The following OR51B5 variants were observed in gnomAD, a reference collection of about 807,000 sequenced individuals.
OR51B5 encodes olfactory receptor 51B5.
For synonymous variants in OR51B5, 186 were observed against 144.8 expected (o/e 1.28, Z -2.04); for missense variants, 456 against 374.6 (o/e 1.22, Z -1.79).
At chr11:5,371,391 G>A (rs997825192) in intron 1 of OR51B5, among the ~76,000 whole-genome samples, 6 of 152,098 alleles carry the variant, frequency 3.9e-5, no homozygotes, top group African/African-American at 1.4e-4. Flanking sequence ...ACCCTGAGTT[G>A]TAGGCCGGAG....
intron 1 of OR51B5, chr11:5,402,492 T>G (rs1043826464): frequency 2.8e-6 from 1 of 360,092 alleles, no homozygotes; most frequent in South Asian, 2.2e-5. Flanking sequence ...TGCTTTTTTC[T>G]TCCCTTCCCT....
intron 1 of OR51B5, among the ~76,000 whole-genome samples, chr11:5,419,246 T>C (rs1850292983): frequency 6.6e-6 from 1 of 152,230 alleles, no homozygotes; most frequent in Admixed American, 6.5e-5. Context: ...GCCCAATTTA[T>C]ATCTATATCC....
chr11:5,453,979 A>G, intron 1 of OR51B5: 2 of 1,614,024 alleles, frequency 1.2e-6, no homozygotes, highest in Non-Finnish European at 1.7e-6. Flanking sequence ...TTTCTTATTA[A>G]GAGGCTGCCT....
intron 1 of OR51B5, chr11:5,454,075 G>C (rs1456882942): frequency 1.2e-6 from 2 of 1,614,072 alleles, no homozygotes; most frequent in Admixed American, 3.3e-5. Flanking sequence ...AGTATCAACA[G>C]CATCTATGGA....
At chr11:5,483,331 G>C (rs1157519290) in intron 1 of OR51B5, among the ~76,000 whole-genome samples, 1 of 126,672 alleles carries the variant, frequency 7.9e-6, no homozygotes, top group Non-Finnish European at 1.6e-5. Context: ...CACAGGAAGG[G>C]GAATATCACA....
chr11:5,443,008 CT>C (rs1339399094), intron 1 of OR51B5, among the ~76,000 whole-genome samples: 1 of 152,024 alleles, frequency 6.6e-6, no homozygotes, highest in African/African-American at 2.4e-5. Context: ...TCTTTTCTGT[CT>C]TTTTTTTAAG....
chr11:5,468,810 T>C (rs1851178379), intron 1 of OR51B5: 1 of 453,842 alleles, frequency 2.2e-6, no homozygotes, highest in Non-Finnish European at 4.4e-6. Context: ...GAGATGACAA[T>C]GAACAGGCCA....
chr11:5,351,465 T>A lies in OR51B5; in HGVS notation n.85-4555A>T, dbSNP rs1460750144. 4 of 1,496,340 alleles carry A rather than the reference T, an allele frequency of 2.7e-6. No homozygotes were observed. In the African/African-American group the frequency reaches 4.2e-5, roughly 16 times the overall value. The allele number at this position is 1,496,340 out of a possible 1,614,324, so 92.7% of individuals were successfully genotyped here. ...CAACTTTTATACAACTGATTACTATTGCTTTACCTGGAGTAAATATTTGCC... is the reference window on the plus strand; with the variant it reads ...CAACTTTTATACAACTGATTACTATAGCTTTACCTGGAGTAAATATTTGCC... On this transcript the variant is annotated intron_variant and non_coding_transcript_variant, in intron 1 of 4. Coordinates refer to the OR51B5 transcript ENST00000415970.
upstream of OR51B5, among the ~76,000 whole-genome samples, chr11:5,343,953 T>C (rs1281273874): frequency 6.6e-6 from 1 of 152,210 alleles, no homozygotes; most frequent in Non-Finnish European, 1.5e-5. Context: ...GCCTTCACAG[T>C]AGTGATCCCT....
chr11:5,385,758 TATAA>T (rs1029975308), intron 1 of OR51B5, among the ~76,000 whole-genome samples: 60 of 149,266 alleles, frequency 4.0e-4, no homozygotes, highest in Admixed American at 1.3e-3. Context: ...TGTTTACATA[TATAA>T]ATATACAGAC....
intron 1 of OR51B5, among the ~76,000 whole-genome samples, chr11:5,371,643 G>C (rs1589958911): frequency 6.6e-6 from 1 of 152,258 alleles, no homozygotes; most frequent in Middle Eastern, 3.4e-3. Flanking sequence ...TCTGAAACAA[G>C]TAAGCTTGTT....
At chr11:5,389,635 C>A in intron 1 of OR51B5, 1 of 1,613,692 alleles carries the variant, frequency 6.2e-7, no homozygotes, top group Non-Finnish European at 8.5e-7. Flanking sequence ...CCTTGCTGGC[C>A]CTCACTGACC....
At chr11:5,363,214 T>C (rs1849311347) in intron 1 of OR51B5, among the ~76,000 whole-genome samples, 2 of 149,612 alleles carry the variant, frequency 1.3e-5, no homozygotes, top group African/African-American at 2.5e-5. Context: ...TCTCAAGTGT[T>C]TCCCCACAAC....
At chr11:5,452,960 C>T (rs533713962) in intron 1 of OR51B5, among the ~76,000 whole-genome samples, 1 of 152,302 alleles carries the variant, frequency 6.6e-6, no homozygotes, top group East Asian at 1.9e-4. Flanking sequence ...TGTCCTTTTC[C>T]CTCTCCATCC....
chr11:5,441,015 C>T lies in OR51B5; in HGVS notation n.84+64554G>A, dbSNP rs373885594. The T allele has an allele frequency of 2.5e-5, 41 of 1,613,824 alleles. No individual in the cohort carries two copies. The highest frequency in any genetic ancestry group is 1.1e-4 in the East Asian group (5 of 44,886). On this transcript the variant is annotated intron_variant and non_coding_transcript_variant, in intron 1 of 4. Transcript: ENST00000415970. ...AACATTGCCTTTGCAGAAGGGCAGT[C>T]GTTTCACCACAAAAGGGAAAGGGAA...
At chr11:5,497,525 T>C (rs934437969) in intron 1 of OR51B5, among the ~76,000 whole-genome samples, 4 of 152,144 alleles carry the variant, frequency 2.6e-5, no homozygotes, top group Non-Finnish European at 5.9e-5. Flanking sequence ...AGAGAGGGTA[T>C]CCATCAGAAC....
In OR51B5 at chr11:5,376,637, G is replaced by T. The variant is rs574202610; in HGVS notation, n.85-29727C>A. ...AAATGATAAAGGGGATATCACCACC[G>T]ATCCCACAGAAATACAAACTGCCAT... On this transcript the variant is annotated intron_variant and non_coding_transcript_variant, in intron 1 of 4. Coordinates refer to the OR51B5 transcript ENST00000415970. Among the ~76,000 whole-genome samples the T allele has an allele frequency of 1.5e-3, 233 of 152,144 alleles. 1 individual carries two copies. The highest frequency in any genetic ancestry group is 5.1e-3 in the Admixed American group (78 of 15,284).
intron 1 of OR51B5, among the ~76,000 whole-genome samples, chr11:5,501,439 A>C (rs1444086234): frequency 6.8e-6 from 1 of 147,752 alleles, no homozygotes; most frequent in African/African-American, 2.4e-5. Flanking sequence ...TTCTTATTAT[A>C]CTCAGGATAA....
At chr11:5,348,214 G>C (rs2133683885), upstream of OR51B5, among the ~76,000 whole-genome samples, 1 of 152,246 alleles carries the variant, frequency 6.6e-6, no homozygotes, top group East Asian at 1.9e-4. Flanking sequence ...AAAAAGTGAA[G>C]GATAGATTCT....
Sources: gnomAD v4.1 joint callset for allele counts (sites outside exome capture counted in the v4.1 genomes callset) on GRCh38, gnomAD v4.1.1 for gene constraint, MANE v1.5 for transcripts, NCBI Gene and HGNC (gene_info 2026-07-23, HGNC 2026-07-21) for gene names.